TPBG: variants seen among roughly 807,000 people sequenced by gnomAD.
TPBG encodes the protein trophoblast glycoprotein.
TPBG carries 13 observed loss-of-function variants against 19.3 expected under a neutral mutation model. That is an observed-to-expected ratio of 0.67 (90% CI 0.44 to 1.07). The LOEUF is 1.07. Among genes scored for constraint, TPBG ranks in the 50% least tolerant of loss-of-function variants. The pLI is 0.00. For missense variants in TPBG, 642 were observed against 559.6 expected (o/e 1.15, Z -1.49); for synonymous variants, 338 against 259.8 (o/e 1.30, Z -2.89).
rs1767505849 is a variant in TPBG, at chr6:82,366,392, C to G, written c.*168C>G. 1.3e-6 allele frequency: 1 copy of G among 766,554 alleles called. No homozygotes were observed. The highest frequency in any genetic ancestry group is 1.8e-5 in the African/African-American group (1 of 56,740). The allele number at this position is 766,554 out of a possible 1,614,324, so 47.5% of individuals were successfully genotyped here. A position where few individuals can be genotyped will look rare whatever the true frequency, so the allele number is the denominator to read the frequency against. ...GTTATGTAAAGTTTCTCGGTGTGTTCTGTTAATGTAAGACGATGAACAGTT... is the reference window on the plus strand; with the variant it reads ...GTTATGTAAAGTTTCTCGGTGTGTTGTGTTAATGTAAGACGATGAACAGTT... On this transcript the variant is annotated 3_prime_UTR_variant, in exon 2 of 2. Transcript: ENST00000369750.
chr6:82,366,368 T>C lies in TPBG; in HGVS notation c.*144T>C. 1 of 933,050 alleles carries C rather than the reference T, an allele frequency of 1.1e-6. No homozygotes were observed. The highest frequency in any genetic ancestry group is 1.6e-6 in the Non-Finnish European group (1 of 639,064). 57.8% of individuals were successfully genotyped at this position (933,050 alleles called of 1,614,324 possible). A position where few individuals can be genotyped will look rare whatever the true frequency, so the allele number is the denominator to read the frequency against. ...GCAGTGAAGGGGATTTGCTTCCTTG[T>C]TATGTAAAGTTTCTCGGTGTGTTCT... is the stretch of plus-strand genomic sequence containing the variant. On this transcript the variant is annotated 3_prime_UTR_variant, in exon 2 of 2. Transcript: ENST00000369750.
chr6:82,366,210 A>G lies in TPBG; in HGVS notation c.1249A>G (p.Asn417Asp), dbSNP rs748029820. The change falls in exon 2 of 2, where the codon AAC (asparagine) becomes GAC (aspartate). Residue 417 changes from asparagine to aspartate, a missense_variant. Transcript: ENST00000369750. ...CCCCAGATTAACGAACCTCAGTTCT[A>G]ACTCGGATGTCTGAGAAATATTAGA... is the stretch of plus-strand genomic sequence containing the variant. ...ADPRLTNLSSNSDV is the reference protein window; with the variant it reads ...ADPRLTNLSSDSDV The G allele has an allele frequency of 2.5e-6, 4 of 1,585,810 alleles. No individual in the cohort carries two copies. In the East Asian group the frequency reaches 8.9e-5, roughly 35 times the overall value.
At position 82,366,146 on chromosome 6, in the gene TPBG, C is replaced by G; in HGVS notation, c.1185C>G (p.His395Gln). 6.2e-7 allele frequency: 1 copy of G among 1,613,950 alleles called. No homozygotes were observed. Among genetic ancestry groups the G allele is most frequent in the Non-Finnish European group, 8.5e-7 (1 of 1,179,964 alleles). The change falls in exon 2 of 2, where the codon CAC becomes CAG. Residue 395 changes from histidine to glutamine, a missense_variant. Physicochemically the swap from His to Gln is conservative, Grantham distance 24. Transcript: ENST00000369750. ...ACATCAGAGATGCCTGCAGGGATCA[C>G]ATGGAAGGGTATCATTACAGATATG... is the stretch of plus-strand genomic sequence containing the variant. ...MHNIRDACRD[H>Q]MEGYHYRYEI...
At position 82,364,699 on chromosome 6, in the gene TPBG, G is replaced by GGGAGCA. The variant is rs1247781417; in HGVS notation, c.-257_-252dup. 9.7e-6 allele frequency: 4 copies of GGGAGCA among 414,314 alleles called. No homozygotes were observed. The highest frequency in any genetic ancestry group is 1.7e-5 in the Non-Finnish European group (4 of 237,546). 25.7% of individuals were successfully genotyped at this position (414,314 alleles called of 1,614,324 possible). On this transcript the variant is annotated 5_prime_UTR_variant, in exon 2 of 2. Coordinates refer to ENST00000369750, the MANE Select transcript of TPBG (RefSeq NM_001376922.1). ...CCAGGGCGGCGGCAGGAAGAGGAGCGGGAGCAGGAGCGCGGAGCGGAGCGT... is the reference window on the plus strand; with the variant it reads ...CCAGGGCGGCGGCAGGAAGAGGAGCGGGAGCAGGAGCAGGAGCGCGGAGCGGAGCGT...
In TPBG at chr6:82,365,272, C is replaced by T. The variant is rs1402093624; in HGVS notation, c.311C>T (p.Ala104Val). ...CTCTTCCTTACCGGCAACCAGCTGG[C>T]CGTGCTCCCTGCCGGCGCCTTCGCC... ...RNLFLTGNQL[A>V]VLPAGAFARR... The change falls in exon 2 of 2, where the codon GCC becomes GTC. Residue 104 changes from alanine to valine, a missense_variant. Coordinates refer to ENST00000369750, the MANE Select transcript of TPBG (RefSeq NM_001376922.1). The T allele has an allele frequency of 1.9e-6, 3 of 1,573,944 alleles. No individual in the cohort carries two copies. The highest frequency in any genetic ancestry group is 1.7e-6 in the Non-Finnish European group (2 of 1,169,030).
Position 82,365,468 on chromosome 6 carries a change from C to G in TPBG, c.507C>G (p.Val169=). The change falls in exon 2 of 2, where the codon GTC becomes GTG. Residue 169 remains valine (V), a synonymous_variant. Coordinates refer to ENST00000369750, the MANE Select transcript of TPBG (RefSeq NM_001376922.1). ...CTTTCTCGGGCAGCAATGCCAGCGTCTCGGCCCCCAGTCCCCTTGTGGAAC... is the reference window on the plus strand; with the variant it reads ...CTTTCTCGGGCAGCAATGCCAGCGTGTCGGCCCCCAGTCCCCTTGTGGAAC... The part of the protein sequence containing the change: ...PFAFSGSNAS[V]SAPSPLVELI... The G allele has an allele frequency of 1.1e-5, 17 of 1,610,046 alleles. No individual in the cohort carries two copies. The highest frequency in any genetic ancestry group is 1.4e-5 in the Non-Finnish European group (17 of 1,178,320).
upstream of TPBG, chr6:82,363,176 A>G (rs1767365163): frequency 6.6e-6 from 1 of 151,086 alleles, no homozygotes; most frequent in Non-Finnish European, 1.5e-5. Context: ...ATCAGGAATG[A>G]ATCTCCTCTC....
chr6:82,364,834 C>G lies in TPBG; in HGVS notation c.-128C>G. 3 of 845,934 alleles carry G rather than the reference C, an allele frequency of 3.5e-6. No individual in the cohort carries two copies. The highest frequency in any genetic ancestry group is 5.2e-5 in the South Asian group (2 of 38,274). The allele number at this position is 845,934 out of a possible 1,614,324, so 52.4% of individuals were successfully genotyped here. On this transcript the variant is annotated 5_prime_UTR_variant, in exon 2 of 2. Coordinates refer to ENST00000369750, the MANE Select transcript of TPBG (RefSeq NM_001376922.1). Reference sequence around the variant, plus strand: ...CAAGTTCCGGCTGCGGCGCCACTCCCTCGGTTCCACGAGAGGAAAGTTTTT... The same window carrying G: ...CAAGTTCCGGCTGCGGCGCCACTCCGTCGGTTCCACGAGAGGAAAGTTTTT...
chr6:82,365,521 A>G lies in TPBG; in HGVS notation c.560A>G (p.Glu187Gly). 5 of 1,579,514 alleles carry G rather than the reference A, an allele frequency of 3.2e-6. No individual in the cohort carries two copies. Among genetic ancestry groups the G allele is most frequent in the Non-Finnish European group, 4.3e-6 (5 of 1,165,140 alleles). Residue 187 changes from glutamate to glycine, a missense_variant, in exon 2 of 2, where the codon GAA (glutamate) becomes GGA (glycine). Glu to Gly is a moderately conservative substitution (Grantham distance 98). Coordinates refer to ENST00000369750, the MANE Select transcript of TPBG (RefSeq NM_001376922.1). ...ELILNHIVPP[E>G]DERQNRSFEG... The stretch of plus-strand genomic sequence containing the variant: ...ATCCTGAACCACATCGTGCCCCCTG[A>G]AGATGAGCGGCAGAACCGGAGCTTC...
At position 82,365,603 on chromosome 6, in the gene TPBG, C is replaced by G. The variant is rs150260502; in HGVS notation, c.642C>G (p.Arg214=). 2.7e-5 allele frequency: 43 copies of G among 1,600,938 alleles called. No homozygotes were observed. The highest frequency in any genetic ancestry group is 3.5e-5 in the Non-Finnish European group (41 of 1,173,582). ...LAGRALQGLR[R]LELASNHFLY... is the part of the protein sequence containing the mutation. Reference sequence around the variant, plus strand: ...GCCGTGCACTGCAGGGGCTCCGCCGCTTGGAGCTGGCCAGCAACCACTTCC... The same window carrying G: ...GCCGTGCACTGCAGGGGCTCCGCCGGTTGGAGCTGGCCAGCAACCACTTCC... Residue 214 remains arginine (R), a synonymous_variant, in exon 2 of 2, where the codon CGC becomes CGG. Transcript: ENST00000369750.
At chr6:82,363,954 G>T (rs1228439201) in intron 1 of TPBG, 46 bp downstream of exon 1, 1 of 152,734 alleles carries the variant, frequency 6.5e-6, no homozygotes, top group Non-Finnish European at 1.5e-5. Flanking sequence ...GGGAGGCGTC[G>T]TTGGGGCCCC....
At chr6:82,363,326 T>C (rs1459831166), upstream of TPBG, 1 of 152,064 alleles carries the variant, frequency 6.6e-6, no homozygotes, top group Non-Finnish European at 1.5e-5. Flanking sequence ...ATCTGAAGTT[T>C]GCGGCCTCAA....
rs776389052 is a variant in TPBG at position 82,365,284 on chromosome 6, C to G, written c.323C>G (p.Ala108Gly). Residue 108 changes from alanine to glycine, a missense_variant, in exon 2 of 2, where the codon GCC becomes GGC. Transcript: ENST00000369750. The stretch of plus-strand genomic sequence containing the variant: ...GGCAACCAGCTGGCCGTGCTCCCTG[C>G]CGGCGCCTTCGCCCGCCGGCCGCCG... The part of the protein sequence containing the change: ...LTGNQLAVLP[A>G]GAFARRPPLA... The G allele has an allele frequency of 7.1e-6, 11 of 1,550,426 alleles. No individual in the cohort carries two copies. The South Asian group carries it at 8.4e-5, about 12-fold the overall frequency.
rs767298689 is a variant in TPBG, at chr6:82,365,387, C to G, written c.426C>G (p.Pro142=). The G allele has an allele frequency of 6.3e-7, 1 of 1,598,978 alleles. No individual in the cohort carries two copies. Among genetic ancestry groups the G allele is most frequent in the Admixed American group, 1.7e-5 (1 of 57,498 alleles). The change falls in exon 2 of 2, where the codon CCC becomes CCG. Residue 142 remains proline (P), a synonymous_variant. Transcript: ENST00000369750. ...GCGCGGGCGCCTTCGAGCATCTGCC[C>G]AGCCTGCGCCAGCTCGACCTCAGCC... ...EVRAGAFEHL[P]SLRQLDLSHN... is the part of the protein sequence containing the mutation.
At chr6:82,363,373 T>C (rs537593983), upstream of TPBG, 1 of 152,324 alleles carries the variant, frequency 6.6e-6, no homozygotes, top group East Asian at 1.9e-4. Flanking sequence ...GAAGCTTCCA[T>C]ACAACCTGCC....
chr6:82,365,003 G>A lies in TPBG; in HGVS notation c.42G>A (p.Gly14=). The part of the protein sequence containing the change: ...GCSRGPAAGD[G]RLRLARLALV... ...CCCGGGGCCCCGCCGCCGGGGACGG[G>A]CGTCTGCGGCTGGCGCGACTAGCGC... Residue 14 remains glycine (G), a synonymous_variant, in exon 2 of 2, where the codon GGG becomes GGA. Transcript: ENST00000369750. 6.5e-7 allele frequency: 1 copy of A among 1,531,404 alleles called. No individual in the cohort carries two copies. Among genetic ancestry groups the A allele is most frequent in the Non-Finnish European group, 8.8e-7 (1 of 1,139,902 alleles). The allele number at this position is 1,531,404 out of a possible 1,614,324, so 94.9% of individuals were successfully genotyped here.
chr6:82,365,915 A>G lies in TPBG; in HGVS notation c.954A>G (p.Lys318=). 1 of 1,614,200 alleles carries G rather than the reference A, an allele frequency of 6.2e-7. No homozygotes were observed. Among genetic ancestry groups the G allele is most frequent in the South Asian group, 1.1e-5 (1 of 91,072 alleles). Residue 318 remains lysine (K), a synonymous_variant, in exon 2 of 2, where the codon AAA becomes AAG. Transcript: ENST00000369750. ...WLKETEVVQG[K]DRLTCAYPEK... ...AGGAAACAGAGGTAGTGCAGGGCAA[A>G]GACCGGCTCACCTGTGCATATCCGG...
At position 82,364,643 on chromosome 6, in the gene TPBG, A is replaced by G. The variant is rs902734057; in HGVS notation, c.-319A>G. 12 of 339,208 alleles carry G rather than the reference A, an allele frequency of 3.5e-5. No homozygotes were observed. In the Middle Eastern group the frequency reaches 2.3e-3, roughly 65 times the overall value. The allele number at this position is 339,208 out of a possible 1,614,324, so 21.0% of individuals were successfully genotyped here. The stretch of plus-strand genomic sequence containing the variant: ...CCCAGGTCCCTCAGAGGATCCAGCG[A>G]GGGGCGCCAACAAGAGGCGAAGAGG... On this transcript the variant is annotated 5_prime_UTR_variant, in exon 2 of 2. Transcript: ENST00000369750.
Position 82,366,311 on chromosome 6 carries a change from T to A in TPBG, c.*87T>A. 2 of 1,437,472 alleles carry A rather than the reference T, an allele frequency of 1.4e-6. No homozygotes were observed. The highest frequency in any genetic ancestry group is 1.9e-6 in the Non-Finnish European group (2 of 1,070,952). 89.0% of individuals were successfully genotyped at this position (1,437,472 alleles called of 1,614,324 possible). A position where few individuals can be genotyped will look rare whatever the true frequency, so the allele number is the denominator to read the frequency against. On this transcript the variant is annotated 3_prime_UTR_variant, in exon 2 of 2. Coordinates refer to ENST00000369750, the MANE Select transcript of TPBG (RefSeq NM_001376922.1). ...TACTAGGCTTGCTCCACTTTCATCC[T>A]CCACTATAGATACAACGGACTTTGA... is the stretch of plus-strand genomic sequence containing the variant.
Sources: gnomAD v4.1 joint callset for allele counts on GRCh38, gnomAD v4.1.1 for gene constraint, MANE v1.5 for transcripts, NCBI Gene and HGNC (gene_info 2026-07-23, HGNC 2026-07-21) for gene names.